Variants in ERMP1 observed in about 807,000 individuals in gnomAD.
ERMP1 encodes the protein Felix-ina.
Under a neutral mutation model 92.0 loss-of-function variants are expected in ERMP1, and 86 were observed. The observed-to-expected ratio is 0.93, with a 90% CI of 0.79 to 1.12. The LOEUF is 1.12. Among genes scored for constraint, ERMP1 ranks in the 50% most tolerant of loss-of-function variants. The pLI is 0.00. For synonymous variants in ERMP1, 530 were observed against 412.8 expected, an observed-to-expected ratio of 1.28 and a Z score of -3.44; for missense variants, 1,342 against 1,116.3, an observed-to-expected ratio of 1.20 and a Z score of -2.88.
At chr9:5,791,189 GAGAC>G (rs1373193934) in intron 13 of ERMP1, 2 of 456,432 alleles carry the variant, frequency 4.4e-6, no homozygotes, top group Non-Finnish European at 4.4e-6. Context: ...AAGAGAGAGA[GAGAC>G]AGAGAGAGTG....
Position 5,785,270 on chromosome 9 carries a change from A to G in ERMP1, c.*1874T>C, listed in dbSNP as rs1827889145. 6.6e-6 allele frequency: 1 copy of G among 152,226 alleles called. No homozygotes were observed. Among genetic ancestry groups the G allele is most frequent in the Non-Finnish European group, 1.5e-5 (1 of 68,024 alleles). The allele number at this position is 152,226 out of a possible 1,614,324, so 9.4% of individuals were successfully genotyped here. On this transcript the variant is annotated 3_prime_UTR_variant, in exon 15 of 15. Transcript: ENST00000339450. ...GGCATCCTTCCCATAGAGGGGGGGA[A>G]TTCACAGGGAACACTAATTATATCA...
At chr9:5,837,717 A>T (rs1375499756), upstream of ERMP1, among the ~76,000 whole-genome samples, 1 of 152,228 alleles carries the variant, frequency 6.6e-6, no homozygotes, top group Non-Finnish European at 1.5e-5. Flanking sequence ...GGTAAGAAAA[A>T]TATCAACGCC....
intron 6 of ERMP1, among the ~76,000 whole-genome samples, chr9:5,846,090 C>T (rs749043866): frequency 1.3e-5 from 2 of 152,164 alleles, no homozygotes; most frequent in African/African-American, 4.8e-5. Context: ...AACACAGCCC[C>T]TGCTCATGTT....
intron 4 of ERMP1, among the ~76,000 whole-genome samples, chr9:5,820,769 G>T (rs959315369): frequency 6.6e-6 from 1 of 152,126 alleles, no homozygotes; most frequent in Non-Finnish European, 1.5e-5. Flanking sequence ...GCACAATCTG[G>T]CATATACTCT....
intron 3 of ERMP1, among the ~76,000 whole-genome samples, 170 bp downstream of exon 3, chr9:5,824,922 G>C (rs1444342465): frequency 2.6e-5 from 4 of 152,114 alleles, no homozygotes; most frequent in African/African-American, 7.2e-5. Context: ...CTCTACATAA[G>C]TGGTTGTGAA....
In ERMP1 at chr9:5,805,067, G is replaced by A; in HGVS notation, c.1874C>T (p.Ser625Phe). The A allele has an allele frequency of 6.2e-7, 1 of 1,613,160 alleles. No homozygotes were observed. The highest frequency in any genetic ancestry group is 8.5e-7 in the Non-Finnish European group (1 of 1,179,862). ...AATCATTGTACAGCCAGCCAAAATG[G>A]ATGCCAGCACAACATCAGGTGGGAT... ...SEIPPDVVLA[S>F]ILAGCTMILS... is the part of the protein sequence containing the mutation. The change falls in exon 10 of 15, where the codon TCC becomes TTC. Residue 625 changes from serine (S) to phenylalanine (F), a missense_variant. Physicochemically the swap from Ser to Phe is radical, Grantham distance 155. Transcript: ENST00000339450.
intron 2 of ERMP1, 143 bp from the exon 3 acceptor site, chr9:5,825,362 G>A (rs972458230): frequency 9.0e-6 from 7 of 779,520 alleles, no homozygotes; most frequent in African/African-American, 7.0e-5. Flanking sequence ...ATCATCAGGT[G>A]ACAATCACAC....
rs370231436 is a variant in ERMP1, at chr9:5,805,556, G to C, written c.1723+55C>G. On this transcript the variant is annotated intron_variant, in intron 9 of 14. Transcript: ENST00000339450. The stretch of plus-strand genomic sequence containing the variant: ...ACCAAAAAAGAAAGAGTCCCTGAAA[G>C]CCTTAAGTATTTTAAGGTATTCTCC... 1.9e-5 allele frequency: 27 copies of C among 1,418,548 alleles called. No individual in the cohort carries two copies. The South Asian group carries it at 3.8e-4, about 20-fold the overall frequency. 87.9% of individuals were successfully genotyped at this position (1,418,548 alleles called of 1,614,324 possible).
chr9:5,850,982 C>T (rs1830301853), intron 6 of ERMP1, among the ~76,000 whole-genome samples: 2 of 152,188 alleles, frequency 1.3e-5, no homozygotes, highest in South Asian at 2.1e-4. Flanking sequence ...TTCAATCCCC[C>T]ATCCAGGAAC....
chr9:5,848,245 C>A (rs753692648), intron 6 of ERMP1, among the ~76,000 whole-genome samples: 3 of 152,140 alleles, frequency 2.0e-5, no homozygotes, highest in Admixed American at 6.5e-5. Context: ...CTGATGTAAA[C>A]ACATGGATCT....
chr9:5,863,182 CAT>C (rs1830553765), intron 5 of ERMP1, among the ~76,000 whole-genome samples: 1 of 152,182 alleles, frequency 6.6e-6, no homozygotes, highest in African/African-American at 2.4e-5. Context: ...CCTCATTAGA[CAT>C]GTAATGTTAG....
At chr9:5,860,176 A>G (rs1401625046) in intron 5 of ERMP1, among the ~76,000 whole-genome samples, 8 of 151,588 alleles carry the variant, frequency 5.3e-5, no homozygotes, top group Non-Finnish European at 1.5e-5. Context: ...GTGGTAGTGC[A>G]TACCTGTAGT....
rs1050044408 is a variant in ERMP1, at chr9:5,842,264, T to C, written n.3200-8952A>G. ...TGATTGGTCCGTTTTTACAGAGTGA[T>C]GATTGGTGCATTTACAAATCTTTAG... is the stretch of plus-strand genomic sequence containing the variant. On this transcript the variant is annotated intron_variant and non_coding_transcript_variant, in intron 6 of 6. Coordinates refer to the ERMP1 transcript ENST00000690753. Among the ~76,000 whole-genome samples the C allele has an allele frequency of 3.2e-4, 48 of 152,058 alleles. 1 individual carries two copies. The highest frequency in any genetic ancestry group is 1.1e-3 in the African/African-American group (47 of 41,386).
chr9:5,802,527 A>C (rs1411281411), intron 10 of ERMP1, among the ~76,000 whole-genome samples: 1 of 152,012 alleles, frequency 6.6e-6, no homozygotes, highest in Admixed American at 6.6e-5. Flanking sequence ...TGAAATTACA[A>C]GTGTGCACCA....
In ERMP1 at chr9:5,797,929, T is replaced by A; in HGVS notation, c.2274A>T (p.Lys758Asn). 6.2e-7 allele frequency: 1 copy of A among 1,600,870 alleles called. No individual in the cohort carries two copies. Among genetic ancestry groups the A allele is most frequent in the East Asian group, 2.2e-5 (1 of 44,774 alleles). ...CTTCTGGGGCAGGAAGATACCAGTT[T>A]TTCCTATTTAGAAAGGAAGCTTCAG... ...WYLPVHFLIR[K>N]NWYLPAPEVS... Residue 758 changes from lysine to asparagine, a missense_variant, in exon 13 of 15, where the codon AAA becomes AAT. Lys to Asn is a moderately conservative substitution (Grantham distance 94). Coordinates refer to ENST00000339450, the MANE Select transcript of ERMP1 (RefSeq NM_024896.3).
intron 13 of ERMP1, among the ~76,000 whole-genome samples, chr9:5,796,303 T>C (rs1177374829): frequency 8.5e-5 from 13 of 152,204 alleles, no homozygotes; most frequent in Admixed American, 7.9e-4. Flanking sequence ...AACTTAACTA[T>C]ATAATTACAG....
intron 2 of ERMP1, among the ~76,000 whole-genome samples, chr9:5,827,394 T>C (rs1300416279): frequency 1.3e-5 from 2 of 152,118 alleles, no homozygotes; most frequent in African/African-American, 4.8e-5. Flanking sequence ...AATCTCACGT[T>C]TTGAGAAAGT....
chr9:5,815,494 C>CAAAAAAAAAAAAAAAAAAGAAAAAAAAAA (rs1829267382), intron 4 of ERMP1, among the ~76,000 whole-genome samples: 1 of 97,422 alleles, frequency 1.0e-5, no homozygotes. Flanking sequence ...ACTGAAATAA[C>CAAAAAAAAAAAAAAAAAAGAAAAAAAAAA]AAAAAAAAAA....
In ERMP1 at chr9:5,786,100, G is replaced by C. The variant is rs1827925007; in HGVS notation, c.*1044C>G. The C allele has an allele frequency of 6.6e-6, 1 of 152,208 alleles. No homozygotes were observed. The highest frequency in any genetic ancestry group is 1.5e-5 in the Non-Finnish European group (1 of 68,054). 9.4% of individuals were successfully genotyped at this position (152,208 alleles called of 1,614,324 possible). A position where few individuals can be genotyped will look rare whatever the true frequency, so the allele number is the denominator to read the frequency against. ...AAGTCTCAGGAAAGCCAGTCTGCTG[G>C]ATAGTAAGTTACTGAGAAAAACTAA... On this transcript the variant is annotated 3_prime_UTR_variant, in exon 15 of 15. Transcript: ENST00000339450.
Sources: gnomAD v4.1 joint callset for allele counts (sites outside exome capture counted in the v4.1 genomes callset) on GRCh38, gnomAD v4.1.1 for gene constraint, MANE v1.5 for transcripts, NCBI Gene and HGNC (gene_info 2026-07-23, HGNC 2026-07-21) for gene names.